Variants in ATF5 observed in about 807,000 individuals in gnomAD.
The protein encoded by ATF5 is cyclic AMP-dependent transcription factor ATF-5.
A neutral mutation model predicts 4.6 loss-of-function variants in ATF5; 6 were observed. That is an observed-to-expected ratio of 1.31 (90% CI 0.72 to 2.59). The LOEUF (loss-of-function observed/expected upper bound fraction) is 2.59. Ranked by LOEUF, ATF5 falls within the 30% of genes most tolerant of loss-of-function variation. The probability of loss-of-function intolerance (pLI) is 0.00; values close to 1 mark genes in which losing one functional copy is unlikely to be tolerated. For synonymous variants in ATF5, 193 were observed against 165.0 expected, an observed-to-expected ratio of 1.17 and a Z score of -1.30; for missense variants, 410 against 368.7, an observed-to-expected ratio of 1.11 and a Z score of -0.92.
At chr19:49,930,703 C>A (rs2076045847) in intron 1 of ATF5, 29 bp from the exon 2 acceptor site, 5 of 613,388 alleles carry the variant, frequency 8.2e-6, no homozygotes, top group Admixed American at 3.5e-5. Flanking sequence ...GCTGTCCTGA[C>A]CACACCCACT....
In ATF5 at chr19:49,930,784, A is replaced by G; in HGVS notation, c.-67A>G. The G allele has an allele frequency of 7.2e-7, 1 of 1,395,010 alleles. No homozygotes were observed. Among genetic ancestry groups the G allele is most frequent in the Non-Finnish European group, 9.6e-7 (1 of 1,043,214 alleles). The allele number at this position is 1,395,010 out of a possible 1,614,324, so 86.4% of individuals were successfully genotyped here. A position where few individuals can be genotyped will look rare whatever the true frequency, so the allele number is the denominator to read the frequency against. ...CTTCGCCCACCTGAGCATCCTCCAG[A>G]GCCTCGTGCCAGCTGCTGGTGCAGC... On this transcript the variant is annotated 5_prime_UTR_variant, in exon 2 of 3. Transcript: ENST00000423777.
chr19:49,930,887 A>G lies in ATF5; in HGVS notation c.37A>G (p.Arg13Gly), dbSNP rs1216386060. Residue 13 changes from arginine to glycine, a missense_variant, in exon 2 of 3, where the codon AGG becomes GGG. Transcript: ENST00000423777. ...GGCGACCCTGGGGCTGGAGCTGGAC[A>G]GGGCCCTGCTCCCAGCTAGTGGGCT... ...LLATLGLELDRALLPASGLGW... is the reference protein window; with the variant it reads ...LLATLGLELDGALLPASGLGW... 4.4e-6 allele frequency: 7 copies of G among 1,608,910 alleles called. No homozygotes were observed. Among genetic ancestry groups the G allele is most frequent in the Non-Finnish European group, 5.9e-6 (7 of 1,177,252 alleles).
Position 49,931,114 on chromosome 19 carries a change from T to C in ATF5, c.178+86T>C, listed in dbSNP as rs547909491. 152 of 1,225,446 alleles carry C rather than the reference T, an allele frequency of 1.2e-4. 2 individuals are homozygous for C. The South Asian group carries it at 2.2e-3, about 18-fold the overall frequency. 75.9% of individuals were successfully genotyped at this position (1,225,446 alleles called of 1,614,324 possible). A position where few individuals can be genotyped will look rare whatever the true frequency, so the allele number is the denominator to read the frequency against. On this transcript the variant is annotated intron_variant, in intron 2 of 2. Coordinates refer to ENST00000423777, the MANE Select transcript of ATF5 (RefSeq NM_001193646.2). ...AACTCATCCATGTATTCAATAAATATTGAGTGCCTACAATGTGCCAGGCAC... is the reference window on the plus strand; with the variant it reads ...AACTCATCCATGTATTCAATAAATACTGAGTGCCTACAATGTGCCAGGCAC...
rs2122852613 is a variant in ATF5, at chr19:49,933,310, AT to A, written c.*219del. ...ACCCTGTCTCTATTAAAAAAAAAAA[AT>A]CAACCCTTCTTCCCCACCAAACCAC... On this transcript the variant is annotated 3_prime_UTR_variant, in exon 3 of 3. Coordinates refer to ENST00000423777, the MANE Select transcript of ATF5 (RefSeq NM_001193646.2). 1.1e-5 allele frequency: 5 copies of A among 437,340 alleles called. No homozygotes were observed. The East Asian group carries it at 1.4e-4, about 12-fold the overall frequency. 27.1% of individuals were successfully genotyped at this position (437,340 alleles called of 1,614,324 possible).
chr19:49,930,937 A>C lies in ATF5; in HGVS notation c.87A>C (p.Lys29Asn). 6.2e-7 allele frequency: 1 copy of C among 1,607,162 alleles called. No individual in the cohort carries two copies. The highest frequency in any genetic ancestry group is 8.5e-7 in the Non-Finnish European group (1 of 1,177,422). The change falls in exon 2 of 3, where the codon AAA becomes AAC. Residue 29 changes from lysine (K) to asparagine (N), a missense_variant. Coordinates refer to ENST00000423777, the MANE Select transcript of ATF5 (RefSeq NM_001193646.2). ...SGLGWLVDYG[K>N]LPPAPAPLAP... ...TGGGATGGCTCGTAGACTATGGGAAACTCCCCCCGGCCCCTGCCCCCCTGG... is the reference window on the plus strand; with the variant it reads ...TGGGATGGCTCGTAGACTATGGGAACCTCCCCCCGGCCCCTGCCCCCCTGG...
chr19:49,932,871 C>T lies in ATF5; in HGVS notation c.628C>T (p.Arg210Cys), dbSNP rs370013285. 62 of 1,612,986 alleles carry T rather than the reference C, an allele frequency of 3.8e-5. No individual in the cohort carries two copies. In the African/African-American group the frequency reaches 6.2e-4, roughly 16 times the overall value. Residue 210 changes from arginine to cysteine, a missense_variant, in exon 3 of 3, where the codon CGC becomes TGC. Physicochemically the swap from Arg to Cys is radical, Grantham distance 180 (BLOSUM62 -3). Coordinates refer to ENST00000423777, the MANE Select transcript of ATF5 (RefSeq NM_001193646.2). ...ACATCCTGCCACCACCCGAGGGGAC[C>T]GCAAGCAAAAGAAGAGAGACCAGAA... The part of the protein sequence containing the change: ...YPHPATTRGD[R>C]KQKKRDQNKS...
In ATF5 at chr19:49,931,022, C is replaced by T; in HGVS notation, c.172C>T (p.Leu58=). 3.9e-6 allele frequency: 6 copies of T among 1,540,012 alleles called. No individual in the cohort carries two copies. The highest frequency in any genetic ancestry group is 1.4e-5 in the African/African-American group (1 of 73,588). The change falls in exon 2 of 3, where the codon CTG becomes TTG. Residue 58 remains leucine, a synonymous_variant. Coordinates refer to ENST00000423777, the MANE Select transcript of ATF5 (RefSeq NM_001193646.2). The part of the protein sequence containing the change: ...EGGLPVGGEP[L]AGDGFSDWMT... The stretch of plus-strand genomic sequence containing the variant: ...CGGGCTTCCAGTGGGGGGAGAGCCC[C>T]TGGCAGGTAAGGGCAGGTGGAAGGT...
Position 49,930,831 on chromosome 19 carries a change from C to T in ATF5, c.-20C>T, listed in dbSNP as rs775231922. The stretch of plus-strand genomic sequence containing the variant: ...CAGCCTCTCCTGTTGCCATCAGTGC[C>T]CAGCACCTGTGCTACAGCCATGTCA... On this transcript the variant is annotated 5_prime_UTR_variant, in exon 2 of 3. Transcript: ENST00000423777. 2 of 1,553,338 alleles carry T rather than the reference C, an allele frequency of 1.3e-6. No homozygotes were observed. The highest frequency in any genetic ancestry group is 1.9e-5 in the Admixed American group (1 of 52,656).
chr19:49,929,187 A>G (rs2075997651), upstream of ATF5: 1 of 117,298 alleles, frequency 8.5e-6, no homozygotes, highest in Non-Finnish European at 1.9e-5. Context: ...ATCTGTCCCC[A>G]GTCCCCGGGG....
chr19:49,932,986 G>T lies in ATF5; in HGVS notation c.743G>T (p.Arg248Leu). ...TGCCAGGGGCTGGAGGCACGGAATCGCGAGCTGAAGGAACGGGCAGAGTCC... is the reference window on the plus strand; with the variant it reads ...TGCCAGGGGCTGGAGGCACGGAATCTCGAGCTGAAGGAACGGGCAGAGTCC... The part of the protein sequence containing the change: ...GECQGLEARN[R>L]ELKERAESVE... The change falls in exon 3 of 3, where the codon CGC becomes CTC. Residue 248 changes from arginine to leucine, a missense_variant. Physicochemically the swap from Arg to Leu is moderately radical, Grantham distance 102. Coordinates refer to ENST00000423777, the MANE Select transcript of ATF5 (RefSeq NM_001193646.2). 8 of 1,614,096 alleles carry T rather than the reference G, an allele frequency of 5.0e-6. No individual in the cohort carries two copies. Among genetic ancestry groups the T allele is most frequent in the Non-Finnish European group, 6.8e-6 (8 of 1,180,002 alleles).
In ATF5 at chr19:49,933,083, T is replaced by A. The variant is rs1311128204; in HGVS notation, c.840T>A (p.Arg280=). The change falls in exon 3 of 3, where the codon CGT becomes CGA. Residue 280 remains arginine (R), a synonymous_variant. Transcript: ENST00000423777. The part of the protein sequence containing the change: ...EVYKARSQRT[R]SC ...ACAAGGCCCGGAGCCAGAGGACCCG[T>A]AGCTGCTAGAAGGGCAGGGGTGTGG... The A allele has an allele frequency of 6.3e-7, 1 of 1,588,824 alleles. No individual in the cohort carries two copies. Among genetic ancestry groups the A allele is most frequent in the South Asian group, 1.1e-5 (1 of 88,168 alleles).
intron 2 of ATF5, among the ~76,000 whole-genome samples, chr19:49,932,100 T>G (rs1365488554): frequency 1.3e-5 from 2 of 152,058 alleles, no homozygotes; most frequent in Non-Finnish European, 2.9e-5. Flanking sequence ...ATTGGTTGAT[T>G]AATGGGTTGA....
intron 2 of ATF5, among the ~76,000 whole-genome samples, chr19:49,932,067 G>C (rs778519629): frequency 1.3e-5 from 2 of 151,502 alleles, no homozygotes; most frequent in Non-Finnish European, 2.9e-5. Context: ...TGGCTAATTT[G>C]TTGGGTTTTG....
chr19:49,931,718 T>C (rs1222901855), intron 2 of ATF5, among the ~76,000 whole-genome samples: 1 of 152,080 alleles, frequency 6.6e-6, no homozygotes, highest in Non-Finnish European at 1.5e-5. Context: ...TGGAGGGAAC[T>C]GTATATGCAG....
intron 2 of ATF5, 54 bp from the exon 3 acceptor site, chr19:49,932,368 C>T (rs186364508): frequency 8.4e-5 from 133 of 1,581,338 alleles, no homozygotes; most frequent in Middle Eastern, 3.3e-4. Flanking sequence ...CACCCAACTA[C>T]GCAGAAGACC....
At chr19:49,931,105 C>A (rs2076056594) in intron 2 of ATF5, 77 bp downstream of exon 2, 2 of 1,285,234 alleles carry the variant, frequency 1.6e-6, no homozygotes, top group Non-Finnish European at 1.0e-6. Context: ...TCCATGTATT[C>A]AATAAATATT....
chr19:49,931,636 A>G (rs1228374866), intron 2 of ATF5, among the ~76,000 whole-genome samples: 3 of 152,030 alleles, frequency 2.0e-5, no homozygotes, highest in Non-Finnish European at 4.4e-5. Flanking sequence ...AACAGAGTGA[A>G]ACCCTATCCC....
At position 49,932,872 on chromosome 19, in the gene ATF5, G is replaced by A. The variant is rs746895698; in HGVS notation, c.629G>A (p.Arg210His). The change falls in exon 3 of 3, where the codon CGC becomes CAC. Residue 210 changes from arginine to histidine, a missense_variant. Coordinates refer to ENST00000423777, the MANE Select transcript of ATF5 (RefSeq NM_001193646.2). The stretch of plus-strand genomic sequence containing the variant: ...CATCCTGCCACCACCCGAGGGGACC[G>A]CAAGCAAAAGAAGAGAGACCAGAAC... ...YPHPATTRGD[R>H]KQKKRDQNKS... 1.3e-5 allele frequency: 21 copies of A among 1,612,870 alleles called. No homozygotes were observed. The highest frequency in any genetic ancestry group is 6.7e-5 in the Admixed American group (4 of 59,832).
rs533657314 is a variant in ATF5 at position 49,931,783 on chromosome 19, C to G, written c.179-639C>G. On this transcript the variant is annotated intron_variant, in intron 2 of 2. Transcript: ENST00000423777. The stretch of plus-strand genomic sequence containing the variant: ...TCATTACTGTATCCCAAATGCTTGG[C>G]ACATAGTGGGTTTTCAATAATTAAT... Among the ~76,000 whole-genome samples the G allele has an allele frequency of 1.1e-4, 17 of 151,888 alleles. 1 individual carries two copies. Among genetic ancestry groups the G allele is most frequent in the African/African-American group, 4.1e-4 (17 of 41,388 alleles).
Sources: gnomAD v4.1 joint callset for allele counts (sites outside exome capture counted in the v4.1 genomes callset) on GRCh38, gnomAD v4.1.1 for gene constraint, MANE v1.5 for transcripts, NCBI Gene and HGNC (gene_info 2026-07-23, HGNC 2026-07-21) for gene names.